The following SOBP variants were observed in gnomAD, a reference collection of about 807,000 sequenced individuals.
The protein encoded by SOBP is sine oculis-binding protein homolog.
SOBP carries 4 observed loss-of-function variants against 53.6 expected under a neutral mutation model. That is an observed-to-expected ratio of 0.07 (90% CI 0.04 to 0.17). The LOEUF is 0.17. Among genes scored for constraint, SOBP ranks in the 10% least tolerant of loss-of-function variants. The pLI, the probability that SOBP is intolerant of heterozygous loss-of-function variation, is 1.00. For missense variants in SOBP, 1,088 were observed against 1,204.7 expected (o/e 0.90, Z 1.43); for synonymous variants, 584 against 522.6 (o/e 1.12, Z -1.60).
intron 3 of SOBP, among the ~76,000 whole-genome samples, chr6:107,521,922 A>G (rs1335485251): frequency 3.1e-4 from 8 of 25,830 alleles, no homozygotes; most frequent in African/African-American, 4.7e-4. Flanking sequence ...ACACACACAC[A>G]CACACACACA....
intron 3 of SOBP, among the ~76,000 whole-genome samples, chr6:107,508,596 A>T (rs1562579215): frequency 2.0e-5 from 3 of 152,004 alleles, no homozygotes; most frequent in Non-Finnish European, 4.4e-5. Flanking sequence ...GAAAAAAAAA[A>T]GTCCTTTCAT....
chr6:107,517,862 A>T (rs990322839), intron 3 of SOBP, among the ~76,000 whole-genome samples: 1 of 152,216 alleles, frequency 6.6e-6, no homozygotes, highest in African/African-American at 2.4e-5. Flanking sequence ...TTAATTACAT[A>T]TAATACAATT....
intron 5 of SOBP, among the ~76,000 whole-genome samples, chr6:107,594,776 A>T (rs1233623155): frequency 6.6e-6 from 1 of 152,216 alleles, no homozygotes; most frequent in East Asian, 1.9e-4. Context: ...TCTCACCGTA[A>T]CTTTTCTAAG....
chr6:107,555,591 G>A (rs1163737952), intron 4 of SOBP, among the ~76,000 whole-genome samples: 3 of 152,236 alleles, frequency 2.0e-5, no homozygotes, highest in Non-Finnish European at 4.4e-5. Flanking sequence ...AAGCGCAGCT[G>A]CACAGCTCTC....
At chr6:107,571,776 T>C (rs1015094545) in intron 4 of SOBP, among the ~76,000 whole-genome samples, 36 of 152,250 alleles carry the variant, frequency 2.4e-4, no homozygotes, top group Admixed American at 2.2e-3. Context: ...ATATCATTTA[T>C]AGGAATCGCT....
chr6:107,500,394 A>G (rs1408354074), intron 1 of SOBP, among the ~76,000 whole-genome samples: 5 of 151,522 alleles, frequency 3.3e-5, no homozygotes, highest in African/African-American at 1.2e-4. Flanking sequence ...AAAAAAAAAA[A>G]GGAAAAGGAA....
At chr6:107,506,472 T>A in intron 3 of SOBP, 45 bp downstream of exon 3, 1 of 1,602,752 alleles carries the variant, frequency 6.2e-7, no homozygotes, top group Non-Finnish European at 8.5e-7. Flanking sequence ...TCATAGAAAG[T>A]TGTTTTAACC....
intron 4 of SOBP, among the ~76,000 whole-genome samples, chr6:107,582,787 G>C (rs1174836306): frequency 6.6e-6 from 1 of 152,146 alleles, no homozygotes; most frequent in African/African-American, 2.4e-5. Context: ...TGTCACTCTG[G>C]AAAAAAGTCA....
At chr6:107,501,805 A>C (rs1331877982) in intron 1 of SOBP, among the ~76,000 whole-genome samples, 1 of 152,142 alleles carries the variant, frequency 6.6e-6, no homozygotes, top group Non-Finnish European at 1.5e-5. Flanking sequence ...CTCCTCAGTG[A>C]TATTCCTAAA....
chr6:107,510,588 G>A (rs908797166), intron 3 of SOBP: 2 of 152,170 alleles, frequency 1.3e-5, no homozygotes, highest in African/African-American at 4.8e-5. Context: ...ATAGTGAAAC[G>A]AGGATTCCAT....
chr6:107,510,311 T>C lies in SOBP; in HGVS notation c.421+3884T>C, dbSNP rs549595743. On this transcript the variant is annotated intron_variant, in intron 3 of 6. Transcript: ENST00000317357. Reference sequence around the variant, plus strand: ...GGTAAGATTAGCCACAGTCTCATGATAACAGGAAGGTGACTAGAGTTTCAA... The same window carrying C: ...GGTAAGATTAGCCACAGTCTCATGACAACAGGAAGGTGACTAGAGTTTCAA... Among the ~76,000 whole-genome samples, 4 of 152,310 alleles carry C rather than the reference T, an allele frequency of 2.6e-5. No homozygotes were observed. The East Asian group carries it at 7.7e-4, about 29-fold the overall frequency.
chr6:107,593,384 G>A (rs1280014378), intron 5 of SOBP, among the ~76,000 whole-genome samples: 2 of 152,176 alleles, frequency 1.3e-5, no homozygotes, highest in Admixed American at 1.3e-4. Context: ...CAGAGCCATT[G>A]CCTACAAATG....
At chr6:107,507,335 C>A (rs9486633) in intron 3 of SOBP, among the ~76,000 whole-genome samples, 1 of 151,932 alleles carries the variant, frequency 6.6e-6, no homozygotes, top group Non-Finnish European at 1.5e-5. Context: ...GACAGAGTTT[C>A]GCTCTTCTCA....
At chr6:107,631,807 C>T (rs894875494) in intron 5 of SOBP, among the ~76,000 whole-genome samples, 6 of 152,178 alleles carry the variant, frequency 3.9e-5, no homozygotes, top group Non-Finnish European at 7.3e-5. Flanking sequence ...GTAGTTTGAA[C>T]GGGCAATTTG....
In SOBP at chr6:107,531,772, G is replaced by C. The variant is rs919998730; in HGVS notation, c.422-1687G>C. ...CAAAAATGTTGGACTGACATCAAAG[G>C]TCATTTTTTATACTATCTCACTTGA... On this transcript the variant is annotated intron_variant, in intron 3 of 6. Transcript: ENST00000317357. Among the ~76,000 whole-genome samples, 118 of 152,134 alleles carry C rather than the reference G, an allele frequency of 7.8e-4. 2 individuals carry two copies. The highest frequency in any genetic ancestry group is 2.6e-3 in the African/African-American group (109 of 41,498).
chr6:107,570,266 G>A (rs1442594797), intron 4 of SOBP, among the ~76,000 whole-genome samples: 1 of 152,172 alleles, frequency 6.6e-6, no homozygotes, highest in African/African-American at 2.4e-5. Context: ...TTCATGATGA[G>A]ATTTATTTCA....
At chr6:107,633,336 A>C (rs1041970413) in intron 5 of SOBP, among the ~76,000 whole-genome samples, 178 bp from the exon 6 acceptor site, 62 of 152,248 alleles carry the variant, frequency 4.1e-4, no homozygotes, top group African/African-American at 1.3e-3. Context: ...TCATATTTAT[A>C]AAGCCAACCC....
intron 4 of SOBP, among the ~76,000 whole-genome samples, chr6:107,577,286 C>G (rs1785251612): frequency 6.6e-6 from 1 of 152,256 alleles, no homozygotes; most frequent in Non-Finnish European, 1.5e-5. Context: ...AGCCATCGAC[C>G]TGCTCAGAGC....
At chr6:107,648,326 C>A (rs1168686810) in intron 6 of SOBP, among the ~76,000 whole-genome samples, 1 of 152,122 alleles carries the variant, frequency 6.6e-6, no homozygotes, top group East Asian at 1.9e-4. Flanking sequence ...GACAAGGACC[C>A]TGTCCTTTCC....
Sources: allele counts gnomAD v4.1 joint callset (sites outside exome capture counted in the v4.1 genomes callset), GRCh38; gene constraint gnomAD v4.1.1; transcripts MANE v1.5; gene names NCBI Gene and HGNC (gene_info 2026-07-23, HGNC 2026-07-21).